The following BAALC variants were observed in gnomAD, a reference collection of about 807,000 sequenced individuals.
BAALC encodes the protein BAALC binder of MAP3K1 and KLF4.
A neutral mutation model predicts 15.5 loss-of-function variants in BAALC; 9 were observed. The ratio of observed to expected loss-of-function variants is 0.58; its 90% CI spans 0.35 to 1.02. The LOEUF (loss-of-function observed/expected upper bound fraction) is 1.02, where lower values mean the gene tolerates loss of function less well. Ranked by LOEUF, BAALC falls within the 50% of genes least tolerant of loss-of-function variation. BAALC has a pLI of 0.02. For missense variants in BAALC, 201 were observed against 192.4 expected (o/e 1.04, Z -0.27); for synonymous variants, 80 against 74.6 (o/e 1.07, Z -0.37).
intron 1 of BAALC, among the ~76,000 whole-genome samples, chr8:103,168,161 T>C (rs1811390255): frequency 6.6e-6 from 1 of 152,238 alleles, no homozygotes; most frequent in African/African-American, 2.4e-5. Context: ...AGGCTTGCTA[T>C]GAAAATCAAC....
At chr8:103,141,268 A>C in intron 1 of BAALC, 1 of 522,156 alleles carries the variant, frequency 1.9e-6, no homozygotes, top group Non-Finnish European at 3.1e-6. Context: ...GGCTGCGCCG[A>C]TGCCCCAGCT....
intron 1 of BAALC, among the ~76,000 whole-genome samples, chr8:103,142,300 T>C (rs557495404): frequency 1.3e-5 from 2 of 152,374 alleles, no homozygotes; most frequent in South Asian, 2.1e-4. Context: ...TGTGACTTGG[T>C]TTTATTTTAA....
At chr8:103,186,689 C>T (rs1563647466) in intron 1 of BAALC, among the ~76,000 whole-genome samples, 2 of 152,298 alleles carry the variant, frequency 1.3e-5, no homozygotes, top group East Asian at 3.9e-4. Context: ...TCCCAAACCA[C>T]ACACTGCAAT....
chr8:103,156,824 T>C (rs1249249680), intron 1 of BAALC, among the ~76,000 whole-genome samples: 1 of 152,216 alleles, frequency 6.6e-6, no homozygotes, highest in East Asian at 1.9e-4. Flanking sequence ...GAATCAGGTG[T>C]TCCTTTGCAG....
At chr8:103,152,733 C>G (rs914495757) in intron 1 of BAALC, among the ~76,000 whole-genome samples, 7 of 152,150 alleles carry the variant, frequency 4.6e-5, no homozygotes, top group African/African-American at 1.7e-4. Context: ...GGGATTTAGC[C>G]CATGGAAGGT....
intron 1 of BAALC, among the ~76,000 whole-genome samples, chr8:103,149,962 A>AG (rs1475404631): frequency 6.6e-6 from 1 of 151,972 alleles, no homozygotes; most frequent in African/African-American, 2.4e-5. Context: ...GGGTTGTATT[A>AG]GTCTGTTTTC....
chr8:103,215,493 C>T (rs971673474), intron 2 of BAALC, among the ~76,000 whole-genome samples: 1 of 151,984 alleles, frequency 6.6e-6, no homozygotes, highest in African/African-American at 2.4e-5. Flanking sequence ...AACACCCTCC[C>T]GCCACCCCCA....
intron 1 of BAALC, among the ~76,000 whole-genome samples, chr8:103,211,190 G>A (rs1325869953): frequency 6.6e-6 from 1 of 152,050 alleles, no homozygotes; most frequent in African/African-American, 2.4e-5. Context: ...TGTGAATATT[G>A]CTTCCCCTCA....
chr8:103,212,916 C>G lies in BAALC; in HGVS notation c.161-3C>G. Reference sequence around the variant, plus strand: ...GGTTCCATCCTCTGCTTACCTCCCCCAGGCATGCTGGAAGATGGACTGCCC... The same window carrying G: ...GGTTCCATCCTCTGCTTACCTCCCCGAGGCATGCTGGAAGATGGACTGCCC... On this transcript the variant is annotated splice_polypyrimidine_tract_variant and splice_region_variant and intron_variant, in intron 1 of 2. Transcript: ENST00000309982. 1.2e-6 allele frequency: 2 copies of G among 1,611,956 alleles called. No homozygotes were observed. Among genetic ancestry groups the G allele is most frequent in the Non-Finnish European group, 1.7e-6 (2 of 1,178,530 alleles).
intron 1 of BAALC, among the ~76,000 whole-genome samples, chr8:103,176,236 T>C (rs559259570): frequency 2.0e-5 from 3 of 152,174 alleles, no homozygotes; most frequent in Non-Finnish European, 4.4e-5. Flanking sequence ...CACGCATACA[T>C]GCACACACAC....
At chr8:103,200,697 A>G (rs1404965020) in intron 1 of BAALC, 3 of 700,520 alleles carry the variant, frequency 4.3e-6, no homozygotes, top group Non-Finnish European at 5.2e-6. Flanking sequence ...GCACCAACAG[A>G]TTCAGTGTCT....
At chr8:103,171,203 AAG>A (rs934721638) in intron 1 of BAALC, among the ~76,000 whole-genome samples, 6 of 148,888 alleles carry the variant, frequency 4.0e-5, no homozygotes, top group African/African-American at 7.4e-5. Flanking sequence ...GGAGGAAGGA[AAG>A]AGAGAGAGAA....
chr8:103,148,757 A>G (rs1013702014), intron 1 of BAALC, among the ~76,000 whole-genome samples: 1 of 152,158 alleles, frequency 6.6e-6, no homozygotes, highest in African/African-American at 2.4e-5. Context: ...GCACTTTGTT[A>G]TGGCAGCCCT....
intron 1 of BAALC, among the ~76,000 whole-genome samples, chr8:103,195,018 A>G (rs1276223652): frequency 6.6e-6 from 1 of 152,136 alleles, no homozygotes; most frequent in Non-Finnish European, 1.5e-5. Context: ...CTGGGCAAGG[A>G]ATTTTAAGCA....
At chr8:103,163,563 C>T (rs1233769888) in intron 1 of BAALC, among the ~76,000 whole-genome samples, 1 of 152,100 alleles carries the variant, frequency 6.6e-6, no homozygotes. Context: ...TGTCTTATTC[C>T]TATCTTTCTC....
At chr8:103,185,047 TCCGAA>T (rs1349804557) in intron 1 of BAALC, among the ~76,000 whole-genome samples, 2 of 152,106 alleles carry the variant, frequency 1.3e-5, no homozygotes, top group South Asian at 2.1e-4. Context: ...CTCCCTAGTC[TCCGAA>T]GAATAGCCTC....
chr8:103,203,225 G>C (rs893971466), intron 1 of BAALC, among the ~76,000 whole-genome samples: 2 of 152,166 alleles, frequency 1.3e-5, no homozygotes, highest in South Asian at 2.1e-4. Context: ...TCATCACAGG[G>C]AACAGTGGTC....
At position 103,141,034 on chromosome 8, in the gene BAALC, C is replaced by G; in HGVS notation, c.137C>G (p.Pro46Arg). 6.6e-7 allele frequency: 1 copy of G among 1,507,882 alleles called. No individual in the cohort carries two copies. Among genetic ancestry groups the G allele is most frequent in the Non-Finnish European group, 8.9e-7 (1 of 1,128,312 alleles). The allele number at this position is 1,507,882 out of a possible 1,614,324, so 93.4% of individuals were successfully genotyped here. A position where few individuals can be genotyped will look rare whatever the true frequency, so the allele number is the denominator to read the frequency against. ...PPSAAAPDSGPEAGGLHSGML... is the reference protein window; with the variant it reads ...PPSAAAPDSGREAGGLHSGML... ...AGCGCCGCCGCCCCGGACAGCGGCC[C>G]CGAAGCGGGCGGCCTGCACTCGGGT... Residue 46 changes from proline to arginine, a missense_variant, in exon 1 of 3, where the codon CCC becomes CGC. Coordinates refer to ENST00000309982, the MANE Select transcript of BAALC (RefSeq NM_024812.3).
intron 1 of BAALC, among the ~76,000 whole-genome samples, chr8:103,186,644 A>T (rs1240487582): frequency 6.6e-6 from 1 of 152,158 alleles, no homozygotes. Flanking sequence ...AAATTTGCCC[A>T]GGAAACCCCT....
Sources: allele counts gnomAD v4.1 joint callset (sites outside exome capture counted in the v4.1 genomes callset), GRCh38; gene constraint gnomAD v4.1.1; transcripts MANE v1.5; gene names NCBI Gene and HGNC (gene_info 2026-07-23, HGNC 2026-07-21).